PBX3: variants seen among roughly 807,000 people sequenced by gnomAD.
PBX3 encodes PBX homeobox 3, also known as pre-B-cell leukemia transcription factor 3.
Under a neutral mutation model 48.5 loss-of-function variants are expected in PBX3, and 14 were observed. The observed-to-expected ratio is 0.29, with a 90% CI of 0.19 to 0.45. The LOEUF is 0.45. PBX3 is among the 20% of genes least tolerant of loss of function. The probability of loss-of-function intolerance (pLI) is 1.00; values close to 1 mark genes in which losing one functional copy is unlikely to be tolerated. For missense variants in PBX3, 386 were observed against 546.7 expected, an observed-to-expected ratio of 0.71 and a Z score of 2.93; for synonymous variants, 210 against 200.3, an observed-to-expected ratio of 1.05 and a Z score of -0.41.
intron 2 of PBX3, among the ~76,000 whole-genome samples, chr9:125,857,822 A>T (rs1016011629): frequency 4.6e-5 from 7 of 152,236 alleles, no homozygotes; most frequent in Admixed American, 4.6e-4. Context: ...GTTTCAAGTA[A>T]AAGTGTATGT....
At chr9:125,786,875 C>T (rs1837471133) in intron 2 of PBX3, among the ~76,000 whole-genome samples, 1 of 151,922 alleles carries the variant, frequency 6.6e-6, no homozygotes, top group East Asian at 1.9e-4. Flanking sequence ...CAGGTGCACA[C>T]CACCACACCC....
chr9:125,855,943 C>G (rs907521005), intron 2 of PBX3, among the ~76,000 whole-genome samples: 1 of 152,094 alleles, frequency 6.6e-6, no homozygotes, highest in South Asian at 2.1e-4. Context: ...TGCACTCTAT[C>G]TTTGGAGGTT....
intron 2 of PBX3, among the ~76,000 whole-genome samples, chr9:125,777,052 T>G (rs1837092596): frequency 6.7e-6 from 1 of 150,358 alleles, no homozygotes; most frequent in Non-Finnish European, 1.5e-5. Context: ...GTCACCAGGC[T>G]GGAGTGCAGT....
intron 2 of PBX3, among the ~76,000 whole-genome samples, chr9:125,913,130 T>A (rs1841241799): frequency 6.6e-6 from 1 of 152,156 alleles, no homozygotes; most frequent in South Asian, 2.1e-4. Flanking sequence ...TGAAAATTCC[T>A]TTATTATTGA....
At chr9:125,913,029 T>TA (rs1404692024) in intron 2 of PBX3, among the ~76,000 whole-genome samples, 1 of 152,104 alleles carries the variant, frequency 6.6e-6, no homozygotes, top group Non-Finnish European at 1.5e-5. Flanking sequence ...TTGAAAGTAA[T>TA]TTTGGAAACC....
At chr9:125,875,223 G>C (rs1840221150) in intron 2 of PBX3, among the ~76,000 whole-genome samples, 1 of 152,020 alleles carries the variant, frequency 6.6e-6, no homozygotes, top group Non-Finnish European at 1.5e-5. Flanking sequence ...GCATTATTCT[G>C]ATTCTTCTCA....
intron 3 of PBX3, among the ~76,000 whole-genome samples, chr9:125,927,336 G>C (rs1382725978): frequency 6.6e-6 from 1 of 152,072 alleles, no homozygotes; most frequent in African/African-American, 2.4e-5. Flanking sequence ...ACATATTTTT[G>C]AAAAAACTTT....
At chr9:125,790,734 A>G (rs1588148484) in intron 2 of PBX3, among the ~76,000 whole-genome samples, 1 of 151,620 alleles carries the variant, frequency 6.6e-6, no homozygotes, top group South Asian at 2.1e-4. Context: ...ATGCCTGGCT[A>G]ATTTTTATTT....
intron 2 of PBX3, among the ~76,000 whole-genome samples, chr9:125,884,447 A>G (rs953248849): frequency 6.6e-6 from 1 of 152,228 alleles, no homozygotes; most frequent in South Asian, 2.1e-4. Context: ...ACTTTTAGAA[A>G]CAATTCATCC....
intron 2 of PBX3, among the ~76,000 whole-genome samples, chr9:125,894,878 CT>C (rs1423014533): frequency 6.6e-6 from 1 of 151,992 alleles, no homozygotes; most frequent in African/African-American, 2.4e-5. Flanking sequence ...GAACATGCCG[CT>C]TTATAGCAGT....
chr9:125,767,441 C>G (rs1158852978), intron 2 of PBX3, among the ~76,000 whole-genome samples: 2 of 152,168 alleles, frequency 1.3e-5, no homozygotes, highest in African/African-American at 4.8e-5. Flanking sequence ...GCCCTTTCTT[C>G]CATGTAATAG....
intron 2 of PBX3, among the ~76,000 whole-genome samples, chr9:125,833,956 A>G (rs1839043286): frequency 6.6e-6 from 1 of 152,052 alleles, no homozygotes; most frequent in Non-Finnish European, 1.5e-5. Context: ...TTGTATTTCT[A>G]CCTGCACTCC....
At chr9:125,933,364 G>A (rs1288666613) in intron 4 of PBX3, among the ~76,000 whole-genome samples, 2 of 152,178 alleles carry the variant, frequency 1.3e-5, no homozygotes, top group Non-Finnish European at 1.5e-5. Flanking sequence ...GCTGTAGTTT[G>A]GACACAGCCA....
Position 125,759,513 on chromosome 9 carries a change from T to C in PBX3, c.274+10890T>C, listed in dbSNP as rs1011005899. Among the ~76,000 whole-genome samples the C allele has an allele frequency of 2.0e-5, 3 of 152,170 alleles. No individual in the cohort carries two copies. Among genetic ancestry groups the C allele is most frequent in the Admixed American group, 1.3e-4 (2 of 15,276 alleles). The stretch of plus-strand genomic sequence containing the variant: ...CAAGCAAAAAAGGAGAAGTTGTCAA[T>C]GAAAGAAAAAGAACTGTAATCGCAC... On this transcript the variant is annotated intron_variant, in intron 2 of 8. Transcript: ENST00000373489. This position sits in a 1 kb window ranked among gnomAD's most constrained non-coding sequence, Gnocchi z 4.2.
chr9:125,896,219 A>G (rs1163457173), intron 2 of PBX3, among the ~76,000 whole-genome samples: 1 of 152,088 alleles, frequency 6.6e-6, no homozygotes, highest in Non-Finnish European at 1.5e-5. Context: ...CCGACAAGGT[A>G]AGCAGAGAGA....
intron 3 of PBX3, among the ~76,000 whole-genome samples, chr9:125,927,032 C>G (rs1354573233): frequency 6.6e-6 from 1 of 152,152 alleles, no homozygotes; most frequent in African/African-American, 2.4e-5. Context: ...TTCACAGATT[C>G]TCTCATCAGA....
intron 2 of PBX3, among the ~76,000 whole-genome samples, chr9:125,804,844 G>A (rs1416663420): frequency 5.9e-5 from 9 of 151,978 alleles, no homozygotes; most frequent in South Asian, 2.1e-4. Flanking sequence ...CTACTCGGGC[G>A]GCTGAGGCAG....
At chr9:125,935,063 C>T (rs1303891473) in intron 4 of PBX3, among the ~76,000 whole-genome samples, 1 of 152,168 alleles carries the variant, frequency 6.6e-6, no homozygotes, top group African/African-American at 2.4e-5. Context: ...TCATCTCACA[C>T]ATTCCCTGTC....
chr9:125,863,994 C>T (rs1302982812), intron 2 of PBX3, among the ~76,000 whole-genome samples: 1 of 152,094 alleles, frequency 6.6e-6, no homozygotes, highest in African/African-American at 2.4e-5. Flanking sequence ...GCTTATAAGC[C>T]AGTAGAGGGT....
Sources: gnomAD v4.1 joint callset for allele counts (sites outside exome capture counted in the v4.1 genomes callset) on GRCh38, gnomAD v4.1.1 for gene constraint, Gnocchi (gnomAD v3.1) non-coding constraint, MANE v1.5 for transcripts, NCBI Gene and HGNC (gene_info 2026-07-23, HGNC 2026-07-21) for gene names.